PDE7B: variants seen among roughly 807,000 people sequenced by gnomAD.
PDE7B encodes the protein phosphodiesterase 7B.
A neutral mutation model predicts 56.2 loss-of-function variants in PDE7B; 29 were observed. That is an observed-to-expected ratio of 0.52 (90% CI 0.38 to 0.70). PDE7B has a LOEUF of 0.70. Ranked by LOEUF, PDE7B falls within the 30% of genes least tolerant of loss-of-function variation. The probability of loss-of-function intolerance (pLI) is 0.00; values close to 1 mark genes in which losing one functional copy is unlikely to be tolerated. For missense variants in PDE7B, 490 were observed against 565.0 expected (o/e 0.87, Z 1.35); for synonymous variants, 197 against 196.9 (o/e 1.00, Z 0.00).
At chr6:136,152,037 C>T (rs1298961762) in intron 6 of PDE7B, among the ~76,000 whole-genome samples, 1 of 152,182 alleles carries the variant, frequency 6.6e-6, no homozygotes, top group African/African-American at 2.4e-5. Flanking sequence ...TCATCCTTGT[C>T]ATCTTCACAC....
chr6:136,000,606 T>C (rs1357254396), intron 2 of PDE7B, among the ~76,000 whole-genome samples: 1 of 152,166 alleles, frequency 6.6e-6, no homozygotes, highest in East Asian at 1.9e-4. Context: ...CATGTATCTA[T>C]GTATCTGTTT....
In PDE7B at chr6:136,021,681, C is replaced by T. The variant is rs138910277; in HGVS notation, c.82+74157C>T. Among the ~76,000 whole-genome samples the T allele has an allele frequency of 5.9e-3, 892 of 151,774 alleles. 7 individuals carry two copies. Among genetic ancestry groups the T allele is most frequent in the African/African-American group, 0.02 (835 of 41,444 alleles). ...AAAATCCTGAAACTGTTTATTTTTC[C>T]TTCAGTCTCACAGCTACCACCCTAG... is the stretch of plus-strand genomic sequence containing the variant. On this transcript the variant is annotated intron_variant, in intron 2 of 12. Transcript: ENST00000308191.
At chr6:136,191,146 A>G (rs1430029359) in intron 12 of PDE7B, among the ~76,000 whole-genome samples, 4 of 151,290 alleles carry the variant, frequency 2.6e-5, no homozygotes, top group Non-Finnish European at 5.9e-5. Flanking sequence ...TTTAATTGTC[A>G]TAACAACCCT....
At chr6:135,924,259 T>C (rs1038322070) in intron 1 of PDE7B, among the ~76,000 whole-genome samples, 4 of 152,162 alleles carry the variant, frequency 2.6e-5, no homozygotes, top group Admixed American at 2.6e-4. Flanking sequence ...ACCTAAAAAA[T>C]TGGAAACAAT....
intron 3 of PDE7B, among the ~76,000 whole-genome samples, chr6:136,126,065 A>G (rs73565068): frequency 0.15 from 22,158 of 152,184 alleles, 5,146 homozygotes; most frequent in African/African-American, 0.49. Flanking sequence ...ATAAGTAAAT[A>G]CTTGGGCATA....
chr6:135,944,463 C>A (rs1774558737), intron 1 of PDE7B, among the ~76,000 whole-genome samples: 1 of 151,924 alleles, frequency 6.6e-6, no homozygotes, highest in African/African-American at 2.4e-5. Context: ...AAATCTGTTA[C>A]CATCATCAGG....
At chr6:135,888,357 C>G (rs1338094924) in intron 1 of PDE7B, among the ~76,000 whole-genome samples, 1 of 152,124 alleles carries the variant, frequency 6.6e-6, no homozygotes, top group Non-Finnish European at 1.5e-5. Context: ...TCTGCTGCTT[C>G]CAAGGACTTA....
At chr6:135,942,039 G>A (rs71576386) in intron 1 of PDE7B, among the ~76,000 whole-genome samples, 2,393 of 152,236 alleles carry the variant, frequency 0.016, 26 homozygotes, top group Middle Eastern at 0.034. Flanking sequence ...GAACAAAAAC[G>A]TGAGCTTTTC....
intron 2 of PDE7B, among the ~76,000 whole-genome samples, chr6:135,971,736 C>T (rs1775097459): frequency 6.6e-6 from 1 of 152,154 alleles, no homozygotes; most frequent in African/African-American, 2.4e-5. Flanking sequence ...CTTTGACCCT[C>T]AGTTTCCTCA....
At chr6:135,865,687 A>G (rs930537627) in intron 1 of PDE7B, among the ~76,000 whole-genome samples, 2 of 151,768 alleles carry the variant, frequency 1.3e-5, no homozygotes, top group Non-Finnish European at 2.9e-5. Context: ...AGAGACAGAG[A>G]AATTACTTGA....
intron 1 of PDE7B, among the ~76,000 whole-genome samples, chr6:135,930,602 A>G (rs139033722): frequency 5.4e-4 from 83 of 152,316 alleles, no homozygotes; most frequent in Middle Eastern, 3.4e-3. Context: ...TAGAAGTAAA[A>G]GGACTCGGCA....
intron 1 of PDE7B, among the ~76,000 whole-genome samples, chr6:135,884,015 T>G (rs1775656996): frequency 6.6e-6 from 1 of 152,194 alleles, no homozygotes; most frequent in Non-Finnish European, 1.5e-5. Context: ...ACACTGAATA[T>G]GACTATATTT....
chr6:136,143,380 T>A (rs925130973), intron 3 of PDE7B, among the ~76,000 whole-genome samples: 10 of 151,348 alleles, frequency 6.6e-5, no homozygotes, highest in African/African-American at 2.4e-4. Flanking sequence ...AAAAAAAAAA[T>A]GCAAGACAGG....
At chr6:135,946,976 GT>G (rs1311698297) in intron 1 of PDE7B, among the ~76,000 whole-genome samples, 2 of 152,026 alleles carry the variant, frequency 1.3e-5, no homozygotes, top group African/African-American at 2.4e-5. Context: ...AGGAATGCCA[GT>G]TTTTCATTAT....
In PDE7B at chr6:135,873,775, T is replaced by G. The variant is rs553804943; in HGVS notation, c.21+21756T>G. Among the ~76,000 whole-genome samples the G allele has an allele frequency of 2.6e-4, 39 of 152,278 alleles. 1 individual carries two copies. In the East Asian group the frequency reaches 7.3e-3, roughly 29 times the overall value. On this transcript the variant is annotated intron_variant, in intron 1 of 12. Coordinates refer to ENST00000308191, the MANE Select transcript of PDE7B (RefSeq NM_018945.4). Reference sequence around the variant, plus strand: ...TAGACAATGTTTTTATATTAAAAAGTTTAAAATTTTAATTGCAAATATTTC... The same window carrying G: ...TAGACAATGTTTTTATATTAAAAAGGTTAAAATTTTAATTGCAAATATTTC...
intron 3 of PDE7B, among the ~76,000 whole-genome samples, chr6:136,134,515 T>C (rs1054526432): frequency 6.6e-6 from 1 of 152,026 alleles, no homozygotes; most frequent in Non-Finnish European, 1.5e-5. Flanking sequence ...TATTTCTTCT[T>C]TAGGACTGAG....
At chr6:135,998,684 AG>A (rs1365241125) in intron 2 of PDE7B, among the ~76,000 whole-genome samples, 1 of 152,082 alleles carries the variant, frequency 6.6e-6, no homozygotes, top group Non-Finnish European at 1.5e-5. Flanking sequence ...TGAACCCGGG[AG>A]GCAGAGCTTG....
chr6:136,008,734 G>A (rs1484693008), intron 2 of PDE7B, among the ~76,000 whole-genome samples: 2 of 152,120 alleles, frequency 1.3e-5, no homozygotes, highest in East Asian at 3.9e-4. Flanking sequence ...CTGGATATTA[G>A]CCCTTTGTCA....
intron 1 of PDE7B, among the ~76,000 whole-genome samples, chr6:135,927,319 T>G (rs1270172238): frequency 6.6e-6 from 1 of 152,172 alleles, no homozygotes; most frequent in Non-Finnish European, 1.5e-5. Flanking sequence ...TCAGGTAGTG[T>G]GAGGCCTCCA....
Sources: gnomAD v4.1 joint callset for allele counts (sites outside exome capture counted in the v4.1 genomes callset) on GRCh38, gnomAD v4.1.1 for gene constraint, MANE v1.5 for transcripts, NCBI Gene and HGNC (gene_info 2026-07-23, HGNC 2026-07-21) for gene names.